RIT2: variants seen among roughly 807,000 people sequenced by gnomAD.
RIT2 encodes the protein Ras like without CAAX 2.
In RIT2, 24 loss-of-function variants were observed where a neutral mutation model predicts 23.7. That is an observed-to-expected ratio of 1.01 (90% CI 0.73 to 1.43). RIT2 has a LOEUF of 1.43. Among genes scored for constraint, RIT2 ranks in the 40% most tolerant of loss-of-function variants. The probability of loss-of-function intolerance (pLI) is 0.00; values close to 1 mark genes in which losing one functional copy is unlikely to be tolerated. For synonymous variants in RIT2, 107 were observed against 91.1 expected (o/e 1.17, Z -0.99); for missense variants, 236 against 266.9 (o/e 0.88, Z 0.81).
intron 4 of RIT2, among the ~76,000 whole-genome samples, chr18:42,855,723 T>A (rs1854019261): frequency 6.6e-6 from 1 of 152,214 alleles, no homozygotes; most frequent in South Asian, 2.1e-4. Context: ...AGTTACAGAA[T>A]GTAACCTAGA....
intron 4 of RIT2, among the ~76,000 whole-genome samples, chr18:42,789,863 A>G (rs1914003513): frequency 6.6e-6 from 1 of 152,208 alleles, no homozygotes; most frequent in African/African-American, 2.4e-5. Flanking sequence ...ACTATGTTGA[A>G]CAGGAGTGGG....
chr18:43,026,600 G>GAAAGAAAT (rs1461910524), intron 2 of RIT2, among the ~76,000 whole-genome samples: 76 of 137,832 alleles, frequency 5.5e-4, no homozygotes, highest in African/African-American at 1.6e-3. Flanking sequence ...AAGAAAGAAA[G>GAAAGAAAT]AAAGAAAGAA....
chr18:43,088,782 C>T (rs114594621), intron 1 of RIT2, among the ~76,000 whole-genome samples: 1 of 152,016 alleles, frequency 6.6e-6, no homozygotes, highest in Non-Finnish European at 1.5e-5. Flanking sequence ...CCATAGCTAC[C>T]AACCAAGGGG....
chr18:42,952,856 G>A (rs1598728165), intron 3 of RIT2, among the ~76,000 whole-genome samples: 1 of 151,800 alleles, frequency 6.6e-6, no homozygotes, highest in East Asian at 1.9e-4. Context: ...ATCTATCACT[G>A]AGAACAAGGC....
At chr18:43,085,311 A>C (rs765471273) in intron 1 of RIT2, among the ~76,000 whole-genome samples, 8 of 152,126 alleles carry the variant, frequency 5.3e-5, no homozygotes, top group Non-Finnish European at 1.2e-4. Flanking sequence ...ACTGATTCAC[A>C]TATCTATTAC....
At chr18:43,050,336 G>T (rs879521048) in intron 1 of RIT2, among the ~76,000 whole-genome samples, 3 of 151,962 alleles carry the variant, frequency 2.0e-5, no homozygotes, top group Non-Finnish European at 4.4e-5. Flanking sequence ...CAGCAGAATT[G>T]ATTTTTGAAA....
chr18:43,035,485 T>G (rs934668294), intron 1 of RIT2, among the ~76,000 whole-genome samples: 8 of 152,136 alleles, frequency 5.3e-5, no homozygotes, highest in Non-Finnish European at 1.0e-4. Flanking sequence ...GTTCCTGAAC[T>G]TCAGTCAGGC....
intron 4 of RIT2, among the ~76,000 whole-genome samples, chr18:42,776,803 C>A (rs950914315): frequency 1.3e-5 from 2 of 151,924 alleles, no homozygotes; most frequent in Non-Finnish European, 2.9e-5. Flanking sequence ...AATTCACATG[C>A]AGGAGATTCA....
At chr18:42,855,294 C>G (rs568270414) in intron 4 of RIT2, among the ~76,000 whole-genome samples, 1 of 152,222 alleles carries the variant, frequency 6.6e-6, no homozygotes, top group Admixed American at 6.5e-5. Flanking sequence ...CTCTACCCTT[C>G]TAATGATTTT....
intron 4 of RIT2, among the ~76,000 whole-genome samples, chr18:42,749,885 A>G (rs1913006398): frequency 6.6e-6 from 1 of 151,676 alleles, no homozygotes; most frequent in South Asian, 2.1e-4. Context: ...GATGTATGCA[A>G]CAAAGACATG....
chr18:43,084,779 C>T (rs1245748703), intron 1 of RIT2, among the ~76,000 whole-genome samples: 4 of 152,040 alleles, frequency 2.6e-5, no homozygotes, highest in Admixed American at 2.0e-4. Context: ...ATATCTAATG[C>T]ATGCAGGGCT....
At position 42,895,351 on chromosome 18, in the gene RIT2, A is replaced by G. The variant is rs567575599; in HGVS notation, c.426+28221T>C. ...TTTTCTGACATTGAGAACAATACAC[A>G]TGTATTTTAGATTCATGGTAATAGA... On this transcript the variant is annotated intron_variant, in intron 4 of 4. Transcript: ENST00000326695. Among the ~76,000 whole-genome samples the G allele has an allele frequency of 1.6e-4, 24 of 152,334 alleles. 1 individual carries two copies. In the South Asian group the frequency reaches 4.8e-3, roughly 30 times the overall value.
chr18:42,984,152 T>C (rs1910656806), intron 2 of RIT2, among the ~76,000 whole-genome samples: 2 of 152,106 alleles, frequency 1.3e-5, no homozygotes, highest in African/African-American at 4.8e-5. Context: ...ACTGTACACA[T>C]AGCAAATATT....
chr18:42,957,982 T>C (rs374258087), intron 3 of RIT2, among the ~76,000 whole-genome samples: 1 of 152,000 alleles, frequency 6.6e-6, no homozygotes, highest in African/African-American at 2.4e-5. Context: ...CATTGATCAT[T>C]AAGATTTTGA....
rs1598735291 is a variant in RIT2, at chr18:42,974,143, A to G, written c.165T>C (p.Asp55=). ...FPDYHDPTIE[D]AYKTQVRIDN... is the part of the protein sequence containing the mutation. Reference sequence around the variant, plus strand: ...CAATCCTGACCTGGGTCTTATAAGCATCTTCTGAAAAACACAAGACAACAT... The same window carrying G: ...CAATCCTGACCTGGGTCTTATAAGCGTCTTCTGAAAAACACAAGACAACAT... Residue 55 remains aspartate, a synonymous_variant, in exon 3 of 5, where the codon GAT becomes GAC. Coordinates refer to ENST00000326695, the MANE Select transcript of RIT2 (RefSeq NM_002930.4). The G allele has an allele frequency of 6.2e-7, 1 of 1,609,280 alleles. No individual in the cohort carries two copies. Among genetic ancestry groups the G allele is most frequent in the Non-Finnish European group, 8.5e-7 (1 of 1,176,520 alleles).
chr18:42,986,101 A>C (rs1401558109), intron 2 of RIT2, among the ~76,000 whole-genome samples: 1 of 148,880 alleles, frequency 6.7e-6, no homozygotes, highest in East Asian at 2.0e-4. Flanking sequence ...GTGTAGTGGC[A>C]TGATCTCGGC....
intron 3 of RIT2, among the ~76,000 whole-genome samples, chr18:42,940,237 T>TATATATATAC (rs1491503978): frequency 1.3e-4 from 2 of 14,952 alleles, no homozygotes; most frequent in East Asian, 3.2e-3. Context: ...AAAGGCTCAC[T>TATATATATAC]ATATATATAT....
At chr18:42,970,713 G>C (rs1274916812) in intron 3 of RIT2, among the ~76,000 whole-genome samples, 1 of 151,894 alleles carries the variant, frequency 6.6e-6, no homozygotes, top group Non-Finnish European at 1.5e-5. Context: ...AATGGTAATG[G>C]TTTATTAATA....
At chr18:42,998,949 G>C (rs1273568637) in intron 2 of RIT2, among the ~76,000 whole-genome samples, 1 of 152,076 alleles carries the variant, frequency 6.6e-6, no homozygotes, top group Non-Finnish European at 1.5e-5. Context: ...GGAATTTGTT[G>C]TTGGGAAGAC....
Sources: gnomAD v4.1 joint callset for allele counts (sites outside exome capture counted in the v4.1 genomes callset) on GRCh38, gnomAD v4.1.1 for gene constraint, MANE v1.5 for transcripts, NCBI Gene and HGNC (gene_info 2026-07-23, HGNC 2026-07-21) for gene names.